The following FAM171B variants were observed in gnomAD, a reference collection of about 807,000 sequenced individuals.
FAM171B encodes protein FAM171B.
Under a neutral mutation model 75.6 loss-of-function variants are expected in FAM171B, and 19 were observed. The ratio of observed to expected loss-of-function variants is 0.25; its 90% CI spans 0.18 to 0.37. The LOEUF is 0.37. Ranked by LOEUF, FAM171B falls within the 10% of genes least tolerant of loss-of-function variation. The pLI, the probability that FAM171B is intolerant of heterozygous loss-of-function variation, is 1.00. For missense variants in FAM171B, 848 were observed against 982.4 expected, an observed-to-expected ratio of 0.86 and a Z score of 1.83; for synonymous variants, 367 against 361.7, an observed-to-expected ratio of 1.01 and a Z score of -0.17.
intron 1 of FAM171B, among the ~76,000 whole-genome samples, chr2:186,717,586 T>C (rs752530517): frequency 1.4e-4 from 21 of 152,162 alleles, no homozygotes; most frequent in Non-Finnish European, 2.2e-4. Context: ...TCCTTCTCTC[T>C]TGTATTCCAT....
chr2:186,715,206 TTTTG>T (rs770375694), intron 1 of FAM171B, among the ~76,000 whole-genome samples: 2 of 152,022 alleles, frequency 1.3e-5, no homozygotes, highest in African/African-American at 4.8e-5. Context: ...TGTGTGTGTG[TTTTG>T]TTTGTTTTGA....
In FAM171B at chr2:186,743,467, G is replaced by A; in HGVS notation, c.473-16G>A. 6.5e-7 allele frequency: 1 copy of A among 1,542,566 alleles called. No individual in the cohort carries two copies. The highest frequency in any genetic ancestry group is 8.9e-7 in the Non-Finnish European group (1 of 1,118,806). On this transcript the variant is annotated splice_polypyrimidine_tract_variant and intron_variant, in intron 2 of 7. Transcript: ENST00000304698. Reference sequence around the variant, plus strand: ...TCACATTAAGTAAAATATTCTAATTGTGCTATATTTCACAGTATATTCATC... The same window carrying A: ...TCACATTAAGTAAAATATTCTAATTATGCTATATTTCACAGTATATTCATC...
At chr2:186,735,140 G>A (rs1690180472) in intron 1 of FAM171B, among the ~76,000 whole-genome samples, 1 of 152,212 alleles carries the variant, frequency 6.6e-6, no homozygotes, top group Admixed American at 6.5e-5. Context: ...AGCCCCAGCT[G>A]TGCCTCCCCT....
At position 186,763,054 on chromosome 2, in the gene FAM171B, A is replaced by G. The variant is rs1477371302; in HGVS notation, c.*231A>G. 2 of 469,760 alleles carry G rather than the reference A, an allele frequency of 4.3e-6. No individual in the cohort carries two copies. The highest frequency in any genetic ancestry group is 3.7e-6 in the Non-Finnish European group (1 of 271,642). The allele number at this position is 469,760 out of a possible 1,614,324, so 29.1% of individuals were successfully genotyped here. A position where few individuals can be genotyped will look rare whatever the true frequency, so the allele number is the denominator to read the frequency against. On this transcript the variant is annotated 3_prime_UTR_variant, in exon 8 of 8. Transcript: ENST00000304698. ...AATTTACAGTATCTAAGTTTTCAAAATGTAAAATAGCTTCAAGATGTTAGT... is the reference window on the plus strand; with the variant it reads ...AATTTACAGTATCTAAGTTTTCAAAGTGTAAAATAGCTTCAAGATGTTAGT...
At chr2:186,747,354 G>T in intron 4 of FAM171B, 104 bp downstream of exon 4, 3 of 598,648 alleles carry the variant, frequency 5.0e-6, no homozygotes, top group Non-Finnish European at 7.4e-6. Flanking sequence ...ATAAGCTATG[G>T]ATAATACACA....
At chr2:186,733,964 G>A (rs1415781072) in intron 1 of FAM171B, among the ~76,000 whole-genome samples, 1 of 152,156 alleles carries the variant, frequency 6.6e-6, no homozygotes, top group Non-Finnish European at 1.5e-5. Context: ...GCAATGTGGT[G>A]AGTAGAGGGG....
At chr2:186,723,721 C>T (rs536739276) in intron 1 of FAM171B, among the ~76,000 whole-genome samples, 1 of 152,136 alleles carries the variant, frequency 6.6e-6, no homozygotes, top group Non-Finnish European at 1.5e-5. Context: ...AGAATTTGTA[C>T]TTTGCTTAAA....
intron 3 of FAM171B, among the ~76,000 whole-genome samples, chr2:186,745,495 A>T (rs1045851335): frequency 1.3e-5 from 2 of 152,224 alleles, no homozygotes; most frequent in Non-Finnish European, 2.9e-5. Flanking sequence ...AGTCCTCTTG[A>T]ATTCTCAGAT....
At chr2:186,711,651 A>AT (rs34122042) in intron 1 of FAM171B, among the ~76,000 whole-genome samples, 12,522 of 150,842 alleles carry the variant, frequency 0.083, 558 homozygotes, top group South Asian at 0.12. Flanking sequence ...ATAAATTATT[A>AT]TTTTTTTTTG....
chr2:186,694,448 G>A (rs571270762), intron 1 of FAM171B, 37 bp downstream of exon 1: 14 of 1,589,490 alleles, frequency 8.8e-6, no homozygotes, highest in Non-Finnish European at 1.2e-5. Flanking sequence ...TTTCAGTCTC[G>A]GCCGGCGATC....
chr2:186,761,227 G>C lies in FAM171B; in HGVS notation c.1127G>C (p.Cys376Ser). 6.8e-6 allele frequency: 11 copies of C among 1,611,940 alleles called. No individual in the cohort carries two copies. Among genetic ancestry groups the C allele is most frequent in the Non-Finnish European group, 9.3e-6 (11 of 1,179,008 alleles). ...IVIGFFAVLL[C>S]YCRDKCGTPQ... ...ATTGGATTTTTTGCTGTACTACTTT[G>C]TTATTGCAGGTAAGAAAATGGCTAT... Residue 376 changes from cysteine (C) to serine (S), a missense_variant, in exon 7 of 8, where the codon TGT becomes TCT. By Grantham distance (112) the Cys-to-Ser change is moderately radical (BLOSUM62 -1). This residue lies in a region of FAM171B where 665 missense variants were observed against 729.0 expected (regional missense o/e 0.91). Coordinates refer to ENST00000304698, the MANE Select transcript of FAM171B (RefSeq NM_177454.4).
intron 1 of FAM171B, among the ~76,000 whole-genome samples, chr2:186,703,645 A>G (rs1689696989): frequency 6.6e-6 from 1 of 152,196 alleles, no homozygotes; most frequent in Non-Finnish European, 1.5e-5. Context: ...TTTGTGACCC[A>G]TTCCACTCTT....
intron 1 of FAM171B, among the ~76,000 whole-genome samples, chr2:186,720,178 C>T (rs1262856429): frequency 6.6e-6 from 1 of 152,200 alleles, no homozygotes; most frequent in African/African-American, 2.4e-5. Flanking sequence ...GCTGGGATTA[C>T]AGGCACCCAC....
At position 186,762,054 on chromosome 2, in the gene FAM171B, G is replaced by A; in HGVS notation, c.1712G>A (p.Gly571Asp). 1 of 1,613,680 alleles carries A rather than the reference G, an allele frequency of 6.2e-7. No individual in the cohort carries two copies. The highest frequency in any genetic ancestry group is 8.5e-7 in the Non-Finnish European group (1 of 1,179,810). ...CCAAGAAAGGGACAGTTAGTCTATGGCCAATTGATGGAACCAGTAAATCGA... is the reference window on the plus strand; with the variant it reads ...CCAAGAAAGGGACAGTTAGTCTATGACCAATTGATGGAACCAGTAAATCGA... ...TLPRKGQLVY[G>D]QLMEPVNREN... The change falls in exon 8 of 8, where the codon GGC becomes GAC. Residue 571 changes from glycine (G) to aspartate (D), a missense_variant. Transcript: ENST00000304698. This position sits in a 1 kb window ranked among gnomAD's most constrained non-coding sequence, Gnocchi z 4.0.
intron 1 of FAM171B, among the ~76,000 whole-genome samples, chr2:186,723,711 AG>A (rs1285231920): frequency 6.6e-6 from 1 of 152,238 alleles, no homozygotes; most frequent in Non-Finnish European, 1.5e-5. Context: ...AAAGAATTAA[AG>A]AATTTGTACT....
intron 1 of FAM171B, among the ~76,000 whole-genome samples, chr2:186,715,281 C>T (rs1175999963): frequency 6.6e-6 from 1 of 152,170 alleles, no homozygotes; most frequent in Non-Finnish European, 1.5e-5. Flanking sequence ...CAGCTCACTG[C>T]AGCCTCGACC....
chr2:186,751,367 G>A (rs1690450855), intron 5 of FAM171B, 63 bp downstream of exon 5: 9 of 1,380,502 alleles, frequency 6.5e-6, no homozygotes, highest in African/African-American at 2.9e-5. Context: ...CTAGCTGGAT[G>A]TTTTATCTTA....
At chr2:186,696,897 A>C (rs1399265554) in intron 1 of FAM171B, among the ~76,000 whole-genome samples, 1 of 152,122 alleles carries the variant, frequency 6.6e-6, no homozygotes, top group Non-Finnish European at 1.5e-5. Flanking sequence ...ATAGAACATA[A>C]GCTCTGTGAA....
intron 1 of FAM171B, among the ~76,000 whole-genome samples, chr2:186,715,707 A>C (rs1343073169): frequency 6.6e-6 from 1 of 152,134 alleles, no homozygotes; most frequent in Non-Finnish European, 1.5e-5. Flanking sequence ...CCGTATTTTG[A>C]TTGCCTACAT....
Sources: gnomAD v4.1 joint callset for allele counts (sites outside exome capture counted in the v4.1 genomes callset) on GRCh38, gnomAD v4.1.1 for gene constraint, gnomAD v4.1.1 regional missense constraint, Gnocchi (gnomAD v3.1) non-coding constraint, MANE v1.5 for transcripts, NCBI Gene and HGNC (gene_info 2026-07-23, HGNC 2026-07-21) for gene names.